Variants in FAM107B observed in about 807,000 individuals in gnomAD.
FAM107B encodes the protein family with sequence similarity 107 member B, also known as protein FAM107B.
FAM107B carries 21 observed loss-of-function variants against 31.5 expected under a neutral mutation model. The observed-to-expected ratio is 0.67, with a 90% CI of 0.47 to 0.96. FAM107B has a LOEUF of 0.96. FAM107B is among the 40% of genes least tolerant of loss of function. The pLI, the probability that FAM107B is intolerant of heterozygous loss-of-function variation, is 0.00. For missense variants in FAM107B, 452 were observed against 377.1 expected, an observed-to-expected ratio of 1.20 and a Z score of -1.64; for synonymous variants, 157 against 141.5, an observed-to-expected ratio of 1.11 and a Z score of -0.78.
At chr10:14,626,738 C>T (rs1334133161) in intron 2 of FAM107B, among the ~76,000 whole-genome samples, 2 of 152,074 alleles carry the variant, frequency 1.3e-5, no homozygotes, top group African/African-American at 2.4e-5. Context: ...CTCCTGACCT[C>T]GTGATCTGCC....
chr10:14,560,565 G>A (rs1850153259), intron 2 of FAM107B, among the ~76,000 whole-genome samples: 1 of 152,192 alleles, frequency 6.6e-6, no homozygotes, highest in African/African-American at 2.4e-5. Context: ...AAATAGGGCT[G>A]AAGACGTGGA....
At chr10:14,534,996 A>G (rs1193959262) in intron 2 of FAM107B, 1 of 152,200 alleles carries the variant, frequency 6.6e-6, no homozygotes, top group African/African-American at 2.4e-5. Context: ...GGCCAGGTAC[A>G]TTTCCTCTCT....
chr10:14,697,772 G>T (rs1183585973), intron 1 of FAM107B, among the ~76,000 whole-genome samples: 1 of 152,148 alleles, frequency 6.6e-6, no homozygotes, highest in Non-Finnish European at 1.5e-5. Context: ...TACCTTTATT[G>T]CTGTGAGGCC....
intron 2 of FAM107B, among the ~76,000 whole-genome samples, chr10:14,618,890 G>T (rs1015366391): frequency 6.6e-6 from 1 of 152,066 alleles, no homozygotes; most frequent in Non-Finnish European, 1.5e-5. Context: ...ATTGGAGTAC[G>T]GTGGCCCTTA....
At chr10:14,611,529 T>TATATATATATATA (rs1588657952) in intron 2 of FAM107B, among the ~76,000 whole-genome samples, 1 of 130,492 alleles carries the variant, frequency 7.7e-6, no homozygotes, top group Non-Finnish European at 1.6e-5. Flanking sequence ...TATATATATA[T>TATATATATATATA]TCACCTAACT....
intron 2 of FAM107B, among the ~76,000 whole-genome samples, chr10:14,610,098 C>T (rs1173276694): frequency 6.6e-6 from 1 of 152,240 alleles, no homozygotes; most frequent in East Asian, 1.9e-4. Flanking sequence ...AATTCCAGCA[C>T]TTCCGGAGGC....
Position 14,518,777 on chromosome 10 carries a change from A to G in FAM107B, c.*2413T>C, listed in dbSNP as rs1441761137. 1 of 152,688 alleles carries G rather than the reference A, an allele frequency of 6.5e-6. No homozygotes were observed. Among genetic ancestry groups the G allele is most frequent in the Non-Finnish European group, 1.5e-5 (1 of 68,052 alleles). The allele number at this position is 152,688 out of a possible 1,614,324, so 9.5% of individuals were successfully genotyped here. On this transcript the variant is annotated 3_prime_UTR_variant, in exon 5 of 5. Coordinates refer to ENST00000181796, the MANE Select transcript of FAM107B (RefSeq NM_031453.4). The stretch of plus-strand genomic sequence containing the variant: ...GAGTAGAAGAATAAAGTCGACTGTT[A>G]TAGCTTAGAAAGCAACACTACTACT...
chr10:14,626,929 A>G (rs1853181268), intron 2 of FAM107B, among the ~76,000 whole-genome samples: 1 of 152,098 alleles, frequency 6.6e-6, no homozygotes, highest in African/African-American at 2.4e-5. Flanking sequence ...ACCTCTTTCT[A>G]TCTTTTGGAC....
chr10:14,566,358 T>A (rs1392955816), intron 2 of FAM107B, among the ~76,000 whole-genome samples: 2 of 152,222 alleles, frequency 1.3e-5, no homozygotes, highest in East Asian at 3.8e-4. Flanking sequence ...GAAGCCATCA[T>A]GCTGCAATCT....
chr10:14,555,580 T>C (rs961971004), intron 2 of FAM107B, among the ~76,000 whole-genome samples: 2 of 152,242 alleles, frequency 1.3e-5, no homozygotes, highest in African/African-American at 4.8e-5. Flanking sequence ...AATTTTGTTT[T>C]CTCTTAAAAT....
At chr10:14,666,958 C>T (rs1024347527) in intron 2 of FAM107B, among the ~76,000 whole-genome samples, 15 of 152,188 alleles carry the variant, frequency 9.9e-5, no homozygotes, top group South Asian at 2.1e-4. Flanking sequence ...GCAGCAAACA[C>T]GTCTGGAGCC....
At chr10:14,602,545 G>A (rs944628428) in intron 2 of FAM107B, 2 of 152,212 alleles carry the variant, frequency 1.3e-5, no homozygotes, top group African/African-American at 4.8e-5. Context: ...TACTTTCTCA[G>A]TGCAAGGTCT....
chr10:14,723,190 C>A (rs916432551), intron 1 of FAM107B: 2 of 520,094 alleles, frequency 3.8e-6, no homozygotes, highest in African/African-American at 3.8e-5. Flanking sequence ...AGTGGTTGCT[C>A]CTAACCATTC....
At chr10:14,550,003 G>A (rs574048909) in intron 2 of FAM107B, among the ~76,000 whole-genome samples, 9 of 152,236 alleles carry the variant, frequency 5.9e-5, no homozygotes, top group African/African-American at 1.9e-4. Context: ...TTTTTCTTAC[G>A]GGAATGGAAA....
intron 2 of FAM107B, among the ~76,000 whole-genome samples, chr10:14,628,112 G>GTTTTTTTTTTTTTTTTTTTTTGTTTTTTT (rs1853217116): frequency 2.2e-5 from 2 of 92,676 alleles, no homozygotes; most frequent in Non-Finnish European, 4.2e-5. Context: ...TGTTTTGCTG[G>GTTTTTTTTTTTTTTTTTTTTTGTTTTTTT]TTTTTTTTTT....
intron 1 of FAM107B, among the ~76,000 whole-genome samples, chr10:14,727,590 C>A (rs544535253): frequency 1.3e-5 from 2 of 152,326 alleles, no homozygotes; most frequent in East Asian, 3.9e-4. Flanking sequence ...TACCCCAGCT[C>A]CCTCACCCTC....
chr10:14,610,055 G>T (rs1419082904), intron 2 of FAM107B, among the ~76,000 whole-genome samples: 2 of 152,148 alleles, frequency 1.3e-5, no homozygotes, highest in African/African-American at 4.8e-5. Flanking sequence ...TAAGAATATG[G>T]CATCTAGGCC....
chr10:14,580,124 C>G (rs1271384812), intron 2 of FAM107B, among the ~76,000 whole-genome samples: 2 of 152,022 alleles, frequency 1.3e-5, no homozygotes, highest in Admixed American at 1.3e-4. Context: ...CTTTGGGAGG[C>G]CCAGGTGGGT....
At chr10:14,643,210 G>T (rs1382973839) in intron 2 of FAM107B, among the ~76,000 whole-genome samples, 2 of 152,060 alleles carry the variant, frequency 1.3e-5, no homozygotes, top group Non-Finnish European at 2.9e-5. Flanking sequence ...GTGAGCTGGA[G>T]ACTCAGTGGA....
Sources: allele counts gnomAD v4.1 joint callset (sites outside exome capture counted in the v4.1 genomes callset), GRCh38; gene constraint gnomAD v4.1.1; transcripts MANE v1.5; gene names NCBI Gene and HGNC (gene_info 2026-07-23, HGNC 2026-07-21).